The following PRICKLE2 variants were observed in gnomAD, a reference collection of about 807,000 sequenced individuals.
The protein encoded by PRICKLE2 is prickle-like protein 2.
PRICKLE2 carries 21 observed loss-of-function variants against 81.4 expected under a neutral mutation model. That is an observed-to-expected ratio of 0.26 (90% CI 0.18 to 0.37). The LOEUF is 0.37. Among genes scored for constraint, PRICKLE2 ranks in the 10% least tolerant of loss-of-function variants. PRICKLE2 has a pLI of 1.00. For missense variants in PRICKLE2, 940 were observed against 1,109.0 expected (o/e 0.85, Z 2.16); for synonymous variants, 456 against 421.5 (o/e 1.08, Z -1.00).
intron 2 of PRICKLE2, chr3:64,163,527 C>A: frequency 7.0e-6 from 2 of 287,162 alleles, no homozygotes; most frequent in Non-Finnish European, 1.4e-5. Flanking sequence ...TATGTCAGCA[C>A]CTGCCTCGGC....
chr3:64,159,834 G>A (rs76720468), intron 4 of PRICKLE2, 106 bp downstream of exon 4: 233,981 of 1,422,748 alleles, frequency 0.16, 21,437 homozygotes, highest in Non-Finnish European at 0.18. Context: ...GTTCACTACT[G>A]TATCTCAGGC....
upstream of PRICKLE2, among the ~76,000 whole-genome samples, chr3:64,230,160 T>G (rs549512697): frequency 6.6e-6 from 1 of 152,146 alleles, no homozygotes; most frequent in Non-Finnish European, 1.5e-5. Flanking sequence ...TCTCATGACC[T>G]CACCCAGCTG....
At chr3:64,159,354 G>A (rs1250158949) in intron 4 of PRICKLE2, among the ~76,000 whole-genome samples, 1 of 152,204 alleles carries the variant, frequency 6.6e-6, no homozygotes, top group Non-Finnish European at 1.5e-5. Context: ...CTGACCCATG[G>A]CCCAAGCCAA....
chr3:64,106,994 TC>T (rs1328878722), intron 7 of PRICKLE2, among the ~76,000 whole-genome samples: 6 of 152,232 alleles, frequency 3.9e-5, no homozygotes, highest in Admixed American at 6.5e-5. Flanking sequence ...AGAGGGTTTT[TC>T]CCTGCCAAAT....
At chr3:64,255,524 C>T (rs138327270) in intron 2 of PRICKLE2, among the ~76,000 whole-genome samples, 5 of 152,292 alleles carry the variant, frequency 3.3e-5, no homozygotes, top group South Asian at 2.1e-4. Flanking sequence ...CAGTGCTTGA[C>T]GGCAGATGCA....
At chr3:64,252,682 T>C (rs746616270) in intron 2 of PRICKLE2, among the ~76,000 whole-genome samples, 1 of 152,204 alleles carries the variant, frequency 6.6e-6, no homozygotes, top group Non-Finnish European at 1.5e-5. Flanking sequence ...CAGGAAACTT[T>C]TGTGAAAGAC....
At position 64,092,883 on chromosome 3, in the gene PRICKLE2, A is replaced by G. The variant is rs1426454209; in HGVS notation, c.*6168T>C. On this transcript the variant is annotated 3_prime_UTR_variant, in exon 8 of 8. Coordinates refer to ENST00000638394, the MANE Select transcript of PRICKLE2 (RefSeq NM_198859.4). ...TTTTAATTGTGGTTAAATAAACATA[A>G]TATAAAATTTACCATCTTAACCACT... The G allele has an allele frequency of 6.6e-6, 1 of 152,238 alleles. No homozygotes were observed. Among genetic ancestry groups the G allele is most frequent in the East Asian group, 1.9e-4 (1 of 5,204 alleles). 9.4% of individuals were successfully genotyped at this position (152,238 alleles called of 1,614,324 possible).
At chr3:64,115,671 C>T (rs1240844926) in intron 7 of PRICKLE2, among the ~76,000 whole-genome samples, 1 of 152,076 alleles carries the variant, frequency 6.6e-6, no homozygotes, top group African/African-American at 2.4e-5. Context: ...TATATGTTCC[C>T]AACACAGGAG....
rs1195101104 is a variant in PRICKLE2, at chr3:64,139,301, T to G, written c.1660+7529A>C. Reference sequence around the variant, plus strand: ...GGCCAATAAAACATGCACTTGCATTTGATGCTGGCCTGAGTAAAAAAAACA... The same window carrying G: ...GGCCAATAAAACATGCACTTGCATTGGATGCTGGCCTGAGTAAAAAAAACA... On this transcript the variant is annotated intron_variant, in intron 7 of 7. Transcript: ENST00000638394. Among the ~76,000 whole-genome samples the G allele has an allele frequency of 4.6e-5, 7 of 152,260 alleles. No individual in the cohort carries two copies. The East Asian group carries it at 1.3e-3, about 29-fold the overall frequency.
chr3:64,218,332 G>A (rs1040098345), intron 1 of PRICKLE2, among the ~76,000 whole-genome samples: 1 of 152,138 alleles, frequency 6.6e-6, no homozygotes. Flanking sequence ...ATAATCTCAA[G>A]TACCTGAAAT....
chr3:64,216,727 T>C lies in PRICKLE2; in HGVS notation c.-41+8183A>G, dbSNP rs144871182. Among the ~76,000 whole-genome samples the C allele has an allele frequency of 6.7e-3, 1,018 of 151,910 alleles. 6 individuals carry two copies. The highest frequency in any genetic ancestry group is 7.7e-3 in the Non-Finnish European group (526 of 68,032). ...TCTGATCAGTCAGGCCCTGTGATTA[T>C]GCTGCTTTCTACTTATTCCCCTTTC... On this transcript the variant is annotated intron_variant, in intron 1 of 7. Coordinates refer to ENST00000638394, the MANE Select transcript of PRICKLE2 (RefSeq NM_198859.4).
chr3:64,235,534 C>G (rs191322449), intron 2 of PRICKLE2, among the ~76,000 whole-genome samples: 34 of 152,228 alleles, frequency 2.2e-4, no homozygotes, highest in Middle Eastern at 3.4e-3. Flanking sequence ...ACCCTGCCCC[C>G]CTTCTGGAGC....
At chr3:64,111,755 G>C (rs2076850343) in intron 7 of PRICKLE2, among the ~76,000 whole-genome samples, 2 of 152,140 alleles carry the variant, frequency 1.3e-5, no homozygotes, top group African/African-American at 2.4e-5. Flanking sequence ...GCTTACTTTG[G>C]AGAGGAAGGA....
At chr3:64,120,657 A>G (rs1402921671) in intron 7 of PRICKLE2, among the ~76,000 whole-genome samples, 1 of 152,208 alleles carries the variant, frequency 6.6e-6, no homozygotes, top group Non-Finnish European at 1.5e-5. Context: ...CACATTTGGA[A>G]CAGCAAAGGG....
chr3:64,153,545 T>G, intron 5 of PRICKLE2, 177 bp from the exon 6 acceptor site: 1 of 610,842 alleles, frequency 1.6e-6, no homozygotes, highest in Non-Finnish European at 2.9e-6. Context: ...TTCCTATACA[T>G]GGATTTACCT....
In PRICKLE2 at chr3:64,099,399, C is replaced by G. The variant is rs142077804; in HGVS notation, c.2187G>C (p.Gln729His). The change falls in exon 8 of 8, where the codon CAG becomes CAC. Residue 729 changes from glutamine (Q) to histidine (H), a missense_variant. Transcript: ENST00000638394. The surrounding 1 kb of genome is among the most constrained non-coding windows in gnomAD (Gnocchi z 4.3). Reference sequence around the variant, plus strand: ...GCCCCATGCTCTCCTGGAAGCTCCGCTGGCGCATAAATTGGTCATAGTCCT... The same window carrying G: ...GCCCCATGCTCTCCTGGAAGCTCCGGTGGCGCATAAATTGGTCATAGTCCT... ...AREDYDQFMR[Q>H]RSFQESMGHG... The G allele has an allele frequency of 3.1e-6, 5 of 1,601,024 alleles. No homozygotes were observed. In the African/African-American group the frequency reaches 6.7e-5, roughly 22 times the overall value.
intron 2 of PRICKLE2, among the ~76,000 whole-genome samples, chr3:64,246,851 A>G (rs888085571): frequency 1.3e-5 from 2 of 152,144 alleles, no homozygotes; most frequent in Non-Finnish European, 2.9e-5. Context: ...GGTAGAAAGT[A>G]CCCTCATAAA....
chr3:64,146,676 G>A (rs1332073922), intron 7 of PRICKLE2, 154 bp downstream of exon 7: 1 of 773,990 alleles, frequency 1.3e-6, no homozygotes, highest in African/African-American at 1.7e-5. Flanking sequence ...CCGGGAGGTG[G>A]AGCTTGCAGT....
intron 2 of PRICKLE2, among the ~76,000 whole-genome samples, chr3:64,180,074 A>G (rs2078101018): frequency 6.6e-6 from 1 of 152,212 alleles, no homozygotes; most frequent in African/African-American, 2.4e-5. Flanking sequence ...TGAACTCCAA[A>G]GAAGGTAGAA....
Sources: allele counts gnomAD v4.1 joint callset (sites outside exome capture counted in the v4.1 genomes callset), GRCh38; gene constraint gnomAD v4.1.1; non-coding constraint Gnocchi (gnomAD v3.1); transcripts MANE v1.5; gene names NCBI Gene and HGNC (gene_info 2026-07-23, HGNC 2026-07-21).